NTN1: variants seen among roughly 807,000 people sequenced by gnomAD.
NTN1 encodes the protein netrin 1.
In NTN1, 11 loss-of-function variants were observed where a neutral mutation model predicts 54.2. That is an observed-to-expected ratio of 0.20 (90% CI 0.13 to 0.34). The LOEUF is 0.34. Ranked by LOEUF, NTN1 falls within the 10% of genes least tolerant of loss-of-function variation. The pLI is 1.00. For synonymous variants in NTN1, 371 were observed against 382.0 expected (o/e 0.97, Z 0.33); for missense variants, 740 against 893.1 (o/e 0.83, Z 2.18).
intron 2 of NTN1, among the ~76,000 whole-genome samples, chr17:9,037,396 T>A (rs2091906823): frequency 6.6e-6 from 1 of 152,196 alleles, no homozygotes; most frequent in East Asian, 1.9e-4. Flanking sequence ...TTATGTGTTT[T>A]GTACTTTCTG....
chr17:9,208,750 C>T (rs777862034), intron 5 of NTN1, among the ~76,000 whole-genome samples: 41 of 152,332 alleles, frequency 2.7e-4, no homozygotes, highest in African/African-American at 6.7e-4. Flanking sequence ...GAGGAGTAGA[C>T]GCCCCCTTGG....
intron 2 of NTN1, among the ~76,000 whole-genome samples, chr17:9,057,001 G>A (rs1197906387): frequency 6.6e-6 from 1 of 152,138 alleles, no homozygotes; most frequent in Non-Finnish European, 1.5e-5. Context: ...ATCAGGGCAA[G>A]CGCTTTTCAT....
chr17:9,018,240 C>T (rs966605528), upstream of NTN1, among the ~76,000 whole-genome samples: 2 of 152,174 alleles, frequency 1.3e-5, no homozygotes, highest in Admixed American at 1.3e-4. Context: ...TCATCCTCTC[C>T]TGAAGACCCC....
At chr17:9,175,317 C>T (rs903802418) in intron 3 of NTN1, 1 of 152,244 alleles carries the variant, frequency 6.6e-6, no homozygotes, top group African/African-American at 2.4e-5. Context: ...TCTTCACCGA[C>T]AAACCAAATC....
chr17:9,027,162 A>G (rs2091874023), intron 2 of NTN1, among the ~76,000 whole-genome samples: 1 of 152,218 alleles, frequency 6.6e-6, no homozygotes, highest in Non-Finnish European at 1.5e-5. Flanking sequence ...TGCAAAAATC[A>G]GAAAGCTGAA....
chr17:9,130,320 T>C (rs578238129), intron 2 of NTN1, among the ~76,000 whole-genome samples: 33 of 152,260 alleles, frequency 2.2e-4, no homozygotes, highest in African/African-American at 7.2e-4. Flanking sequence ...GAAATCATCC[T>C]GAGGACTAAG....
intron 2 of NTN1, among the ~76,000 whole-genome samples, chr17:9,096,847 A>G (rs1403481669): frequency 2.0e-5 from 3 of 152,198 alleles, no homozygotes; most frequent in Non-Finnish European, 4.4e-5. Flanking sequence ...AGTGTTTCAC[A>G]TTTCTCTGCT....
At chr17:9,230,446 T>C (rs1905766532) in intron 6 of NTN1, among the ~76,000 whole-genome samples, 1 of 17,644 alleles carries the variant, frequency 5.7e-5, no homozygotes, top group African/African-American at 4.7e-4. Context: ...CCACCAGATG[T>C]GACCCCCCCC....
intron 6 of NTN1, among the ~76,000 whole-genome samples, chr17:9,232,712 T>C (rs993430108): frequency 8.5e-5 from 13 of 152,104 alleles, no homozygotes; most frequent in African/African-American, 3.1e-4. Context: ...CCTTGTTTGA[T>C]ATAGACTGGG....
At chr17:9,168,550 T>A (rs1001913243) in intron 3 of NTN1, among the ~76,000 whole-genome samples, 4 of 151,532 alleles carry the variant, frequency 2.6e-5, no homozygotes, top group African/African-American at 9.7e-5. Flanking sequence ...AAAAAAAATC[T>A]TACTGGGCAA....
At chr17:9,073,027 C>A (rs893871562) in intron 2 of NTN1, among the ~76,000 whole-genome samples, 10 of 152,222 alleles carry the variant, frequency 6.6e-5, no homozygotes, top group African/African-American at 2.2e-4. Context: ...GAAATTAAAT[C>A]ACTTTTCTTC....
intron 2 of NTN1, among the ~76,000 whole-genome samples, chr17:9,044,656 A>G (rs1377873029): frequency 2.6e-5 from 4 of 152,116 alleles, no homozygotes; most frequent in Admixed American, 6.6e-5. Context: ...GTAGGGCACA[A>G]TGTTTATATT....
At chr17:9,105,006 C>T (rs1284453988) in intron 2 of NTN1, among the ~76,000 whole-genome samples, 3 of 152,218 alleles carry the variant, frequency 2.0e-5, no homozygotes, top group African/African-American at 7.2e-5. Context: ...TGACCCATGG[C>T]TGGGTCTCAC....
intron 2 of NTN1, among the ~76,000 whole-genome samples, chr17:9,115,470 G>A (rs1302055342): frequency 6.6e-6 from 1 of 152,256 alleles, no homozygotes; most frequent in Non-Finnish European, 1.5e-5. Context: ...GCTCCTGGCT[G>A]GACCAGTGTC....
At chr17:9,086,892 C>T (rs764764243) in intron 2 of NTN1, among the ~76,000 whole-genome samples, 2 of 152,172 alleles carry the variant, frequency 1.3e-5, no homozygotes, top group Non-Finnish European at 2.9e-5. Context: ...ATATCACCAT[C>T]AGCTTCACCA....
At chr17:9,237,946 G>C (rs1465154671) in intron 6 of NTN1, among the ~76,000 whole-genome samples, 2 of 152,172 alleles carry the variant, frequency 1.3e-5, no homozygotes, top group Non-Finnish European at 2.9e-5. Flanking sequence ...TCAGACTGGA[G>C]TGCAAAGTTC....
upstream of NTN1, chr17:9,021,447 G>A (rs1435194811): frequency 1.3e-5 from 2 of 151,816 alleles, no homozygotes; most frequent in African/African-American, 4.8e-5. Flanking sequence ...GCTCGCGGAC[G>A]TTATTGGCCG....
chr17:9,050,879 C>A (rs2091958352), intron 2 of NTN1, among the ~76,000 whole-genome samples: 1 of 152,146 alleles, frequency 6.6e-6, no homozygotes, highest in Non-Finnish European at 1.5e-5. Context: ...TGCTGGCCCT[C>A]CCCTGTGGTT....
chr17:9,053,480 G>A, intron 2 of NTN1, among the ~76,000 whole-genome samples: 1 of 152,218 alleles, frequency 6.6e-6, no homozygotes, highest in Non-Finnish European at 1.5e-5. Context: ...TTTAAGTCCT[G>A]CAGCAGAAGT....
Sources: allele counts gnomAD v4.1 joint callset (sites outside exome capture counted in the v4.1 genomes callset), GRCh38; gene constraint gnomAD v4.1.1; transcripts MANE v1.5; gene names NCBI Gene and HGNC (gene_info 2026-07-23, HGNC 2026-07-21).